NLRP14: variants seen among roughly 807,000 people sequenced by gnomAD.
NLRP14 encodes the protein NACHT, LRR and PYD domains-containing protein 14.
A neutral mutation model predicts 94.7 loss-of-function variants in NLRP14; 105 were observed. That is an observed-to-expected ratio of 1.11 (90% CI 0.95 to 1.30). The LOEUF is 1.30. Among genes scored for constraint, NLRP14 ranks in the 50% most tolerant of loss-of-function variants. The pLI is 0.00. For missense variants in NLRP14, 1,362 were observed against 1,254.1 expected (o/e 1.09, Z -1.30); for synonymous variants, 508 against 459.9 (o/e 1.10, Z -1.34).
At chr11:7,071,614 T>A (rs978269704), downstream of NLRP14, among the ~76,000 whole-genome samples, 1 of 70,396 alleles carries the variant, frequency 1.4e-5, no homozygotes, top group South Asian at 7.7e-4. Flanking sequence ...ACAGGGAAGA[T>A]CAGTTAAAAT....
At chr11:7,089,424 C>G in the NLRP14 span, 4 of 1,555,330 alleles carry the variant, frequency 2.6e-6, no homozygotes, top group Non-Finnish European at 3.5e-6. Context: ...TCCCCGCAGC[C>G]GCGGTCGCCC....
At chr11:7,048,703 C>T (rs1852396485) in intron 5 of NLRP14, among the ~76,000 whole-genome samples, 2 of 152,092 alleles carry the variant, frequency 1.3e-5, no homozygotes, top group African/African-American at 4.8e-5. Context: ...CTAAACATTT[C>T]CCCCATATTG....
downstream of NLRP14, among the ~76,000 whole-genome samples, chr11:7,075,544 A>G (rs1299302415): frequency 6.6e-6 from 1 of 152,246 alleles, no homozygotes; most frequent in Admixed American, 6.5e-5. Context: ...GCTTAGAAGC[A>G]TTAGCATTTA....
chr11:7,088,997 T>G, the NLRP14 span: 3 of 1,180,298 alleles, frequency 2.5e-6, no homozygotes, highest in Admixed American at 2.1e-5. Context: ...TGCGGTTCCG[T>G]GGACTCGGCG....
chr11:7,063,567 A>G (rs749235970), intron 10 of NLRP14, among the ~76,000 whole-genome samples: 9 of 152,056 alleles, frequency 5.9e-5, no homozygotes, highest in Admixed American at 6.6e-5. Flanking sequence ...CATGTAGCAG[A>G]GAGAAAGACC....
chr11:7,078,365 G>A, the NLRP14 span, among the ~76,000 whole-genome samples: 18 of 147,006 alleles, frequency 1.2e-4, no homozygotes, highest in South Asian at 3.9e-3. Context: ...TTGAACCTGG[G>A]AGGTGGAGCT....
downstream of NLRP14, among the ~76,000 whole-genome samples, chr11:7,076,339 G>GT (rs1425340419): frequency 1.3e-5 from 2 of 151,498 alleles, no homozygotes; most frequent in African/African-American, 4.9e-5. Context: ...ACTAACTTTA[G>GT]TTTTTTTTAT....
At chr11:7,089,677 G>A in the NLRP14 span, 3 of 1,489,520 alleles carry the variant, frequency 2.0e-6, no homozygotes, top group South Asian at 3.8e-5. Context: ...GCCGTGCGGG[G>A]GCGAGACGGC....
At position 7,057,799 on chromosome 11, in the gene NLRP14, T is replaced by G. The variant is rs181503447; in HGVS notation, c.2414T>G (p.Leu805Arg). The G allele has an allele frequency of 5.6e-6, 9 of 1,612,624 alleles. No homozygotes were observed. In the East Asian group the frequency reaches 2.0e-4, roughly 36 times the overall value. The change falls in exon 7 of 12, where the codon CTT becomes CGT. Residue 805 changes from leucine to arginine, a missense_variant. Transcript: ENST00000299481. ...TNNLLDDGVQ[L>R]LCEALRHPKC... ...AATCTGTTGGATGATGGAGTGCAGC[T>G]TTTGTGTGAGGCCTTAAGACATCCA... is the stretch of plus-strand genomic sequence containing the variant.
chr11:7,039,144 G>A (rs1014274527), intron 2 of NLRP14, among the ~76,000 whole-genome samples: 12 of 145,678 alleles, frequency 8.2e-5, no homozygotes, highest in Admixed American at 2.7e-4. Context: ...TTGAGTGATA[G>A]GAATTGTCCC....
At chr11:7,079,317 C>T in the NLRP14 span, among the ~76,000 whole-genome samples, 4 of 152,306 alleles carry the variant, frequency 2.6e-5, no homozygotes, top group South Asian at 6.2e-4. Flanking sequence ...AATGCCCCCT[C>T]TTTGCCTGTT....
intron 6 of NLRP14, among the ~76,000 whole-genome samples, chr11:7,054,619 A>G (rs114957098): frequency 0.012 from 1,767 of 151,998 alleles, 32 homozygotes; most frequent in African/African-American, 0.04. Flanking sequence ...ATCTATTCAG[A>G]TCTCTTGCCC....
intron 8 of NLRP14, 117 bp downstream of exon 8, chr11:7,058,567 A>G (rs552074104): frequency 1.3e-6 from 1 of 744,788 alleles, no homozygotes; most frequent in East Asian, 2.7e-5. Context: ...ACCCTTAATG[A>G]AGAAGGTGAA....
chr11:7,049,023 G>T (rs1852401155), intron 5 of NLRP14, among the ~76,000 whole-genome samples: 1 of 151,880 alleles, frequency 6.6e-6, no homozygotes, highest in South Asian at 2.1e-4. Context: ...GAGGGTGGAG[G>T]GTGGGTGGTG....
At chr11:7,049,925 A>G (rs892135345) in intron 6 of NLRP14, 87 bp downstream of exon 6, 4 of 1,136,034 alleles carry the variant, frequency 3.5e-6, no homozygotes, top group African/African-American at 1.5e-5. Context: ...TGGATTTGCT[A>G]TTCATAGGAC....
At chr11:7,026,694 G>A (rs1852019731) in intron 1 of NLRP14, among the ~76,000 whole-genome samples, 1 of 151,496 alleles carries the variant, frequency 6.6e-6, no homozygotes, top group Admixed American at 6.6e-5. Context: ...CTGCTATAAA[G>A]ACACATGCAC....
intron 10 of NLRP14, among the ~76,000 whole-genome samples, chr11:7,067,169 T>G (rs1047273062): frequency 6.6e-6 from 1 of 152,198 alleles, no homozygotes; most frequent in African/African-American, 2.4e-5. Flanking sequence ...TGCTTAAGAT[T>G]GTCTTGACTA....
chr11:7,084,246 G>C, the NLRP14 span, among the ~76,000 whole-genome samples: 7 of 152,176 alleles, frequency 4.6e-5, no homozygotes, highest in Non-Finnish European at 1.0e-4. Context: ...GAGTCTACCT[G>C]CTCCTCCAGT....
intron 10 of NLRP14, among the ~76,000 whole-genome samples, chr11:7,070,035 G>C (rs1254894789): frequency 6.6e-6 from 1 of 152,092 alleles, no homozygotes; most frequent in East Asian, 1.9e-4. Flanking sequence ...TTTGTAACGT[G>C]CTTGCATATT....
Sources: allele counts gnomAD v4.1 joint callset (sites outside exome capture counted in the v4.1 genomes callset), GRCh38; gene constraint gnomAD v4.1.1; transcripts MANE v1.5; gene names NCBI Gene and HGNC (gene_info 2026-07-23, HGNC 2026-07-21).